The following PKIB variants were observed in gnomAD, a reference collection of about 807,000 sequenced individuals.
PKIB encodes the protein PKI-beta.
In PKIB, 2 loss-of-function variants were observed where a neutral mutation model predicts 4.5. That is an observed-to-expected ratio of 0.44 (90% confidence interval 0.18 to 1.39). PKIB has a LOEUF of 1.39. Among genes scored for constraint, PKIB ranks in the 40% most tolerant of loss-of-function variants. The pLI, the probability that PKIB is intolerant of heterozygous loss-of-function variation, is 0.27. For synonymous variants in PKIB, 38 were observed against 36.0 expected (o/e 1.06, Z -0.20); for missense variants, 94 against 92.6 (o/e 1.02, Z -0.06).
intron 2 of PKIB, among the ~76,000 whole-genome samples, chr6:122,485,006 C>T (rs1775721553): frequency 6.6e-6 from 1 of 152,138 alleles, no homozygotes; most frequent in African/African-American, 2.4e-5. Context: ...GAGCTGTAAT[C>T]AATCTAGTTG....
rs774753477 is a variant in PKIB, at chr6:122,725,221, G to A, written c.*26G>A. On this transcript the variant is annotated 3_prime_UTR_variant, in exon 5 of 5. Transcript: ENST00000368452. Reference sequence around the variant, plus strand: ...AGGCTCATAATCTATCAAGAGTGCTGAATTTCTGCATGTTGAAAGACTTAG... The same window carrying A: ...AGGCTCATAATCTATCAAGAGTGCTAAATTTCTGCATGTTGAAAGACTTAG... 2.0e-5 allele frequency: 31 copies of A among 1,569,088 alleles called. No homozygotes were observed. Among genetic ancestry groups the A allele is most frequent in the Non-Finnish European group, 2.3e-5 (26 of 1,150,004 alleles).
chr6:122,634,532 G>T (rs1417303816), intron 2 of PKIB, among the ~76,000 whole-genome samples: 3 of 151,972 alleles, frequency 2.0e-5, no homozygotes, highest in Non-Finnish European at 4.4e-5. Context: ...CTGAGGGAAG[G>T]CTCCAAAGTT....
intron 2 of PKIB, among the ~76,000 whole-genome samples, chr6:122,524,572 T>C (rs1777042883): frequency 6.6e-6 from 1 of 152,108 alleles, no homozygotes; most frequent in East Asian, 1.9e-4. Flanking sequence ...TCTTTAAATG[T>C]TTTGTAGAAT....
intron 2 of PKIB, among the ~76,000 whole-genome samples, chr6:122,576,708 A>ATATATC (rs1554221339): frequency 7.9e-5 from 9 of 113,968 alleles, no homozygotes; most frequent in African/African-American, 3.1e-4. Flanking sequence ...ATATATATAT[A>ATATATC]TATTTTCTTT....
At chr6:122,486,903 CA>C (rs1453575564) in intron 2 of PKIB, among the ~76,000 whole-genome samples, 1 of 151,960 alleles carries the variant, frequency 6.6e-6, no homozygotes, top group Non-Finnish European at 1.5e-5. Flanking sequence ...CCCAATTCCC[CA>C]AATGTTAACC....
chr6:122,503,358 T>C (rs188955154), intron 2 of PKIB, among the ~76,000 whole-genome samples: 28 of 152,336 alleles, frequency 1.8e-4, no homozygotes, highest in Non-Finnish European at 3.4e-4. Context: ...CTTGTAAATT[T>C]ATCCAAATGC....
chr6:122,692,429 C>T (rs1339948228), intron 3 of PKIB, among the ~76,000 whole-genome samples: 1 of 152,246 alleles, frequency 6.6e-6, no homozygotes, highest in African/African-American at 2.4e-5. Context: ...CCACCTTCCC[C>T]TCCTTTCCAC....
chr6:122,502,498 C>T (rs556115331), intron 2 of PKIB, among the ~76,000 whole-genome samples: 6 of 151,782 alleles, frequency 4.0e-5, no homozygotes, highest in Admixed American at 2.0e-4. Flanking sequence ...GCACAATCTT[C>T]GTTTGGCAGA....
intron 3 of PKIB, among the ~76,000 whole-genome samples, chr6:122,682,155 G>A (rs1190939722): frequency 4.6e-5 from 7 of 150,950 alleles, no homozygotes; most frequent in South Asian, 2.1e-4. Flanking sequence ...TTTTTAGCTC[G>A]AATAGTCTAT....
intron 2 of PKIB, among the ~76,000 whole-genome samples, chr6:122,579,437 A>G (rs1236396696): frequency 2.6e-5 from 4 of 151,944 alleles, no homozygotes; most frequent in Non-Finnish European, 2.9e-5. Context: ...CTTTTACAAT[A>G]CTTTTGTATT....
intron 3 of PKIB, among the ~76,000 whole-genome samples, chr6:122,686,691 C>T (rs1405840591): frequency 6.6e-6 from 1 of 151,796 alleles, no homozygotes; most frequent in African/African-American, 2.4e-5. Context: ...AAGATGGAGT[C>T]CCAGTAGATT....
intron 2 of PKIB, among the ~76,000 whole-genome samples, chr6:122,507,917 T>TA (rs1256894094): frequency 5.3e-5 from 8 of 152,146 alleles, no homozygotes; most frequent in African/African-American, 1.9e-4. Context: ...GGGAGATGTT[T>TA]AAAAAAATTT....
At chr6:122,600,401 A>C (rs1215779613) in intron 3 of PKIB, among the ~76,000 whole-genome samples, 1 of 152,182 alleles carries the variant, frequency 6.6e-6, no homozygotes, top group Non-Finnish European at 1.5e-5. Flanking sequence ...CCATCAATCC[A>C]ATTAAGTTGA....
chr6:122,487,654 G>A (rs1327041605), intron 2 of PKIB, among the ~76,000 whole-genome samples: 3 of 152,166 alleles, frequency 2.0e-5, no homozygotes, highest in Non-Finnish European at 4.4e-5. Flanking sequence ...GGGAAGCTCT[G>A]GATGACCCTT....
At chr6:122,505,593 A>G (rs1463410138) in intron 2 of PKIB, among the ~76,000 whole-genome samples, 1 of 152,200 alleles carries the variant, frequency 6.6e-6, no homozygotes, top group African/African-American at 2.4e-5. Context: ...TTGAAAGTCC[A>G]TTAGTAGTTT....
chr6:122,719,785 TG>T (rs1779659604), intron 4 of PKIB, among the ~76,000 whole-genome samples: 1 of 150,370 alleles, frequency 6.7e-6, no homozygotes, highest in Non-Finnish European at 1.5e-5. Context: ...TGTGAGGTAA[TG>T]GATATGTTAA....
chr6:122,693,770 A>G (rs569273270), intron 3 of PKIB, among the ~76,000 whole-genome samples: 4 of 152,268 alleles, frequency 2.6e-5, no homozygotes, highest in South Asian at 4.1e-4. Context: ...GGGAGATTTT[A>G]GTCTTCTGGG....
At chr6:122,497,358 C>T (rs563579392) in intron 2 of PKIB, among the ~76,000 whole-genome samples, 7 of 152,250 alleles carry the variant, frequency 4.6e-5, no homozygotes, top group African/African-American at 9.6e-5. Context: ...ATGATAGAAT[C>T]AAAACTTCAC....
At chr6:122,641,391 G>A (rs1776114309) in intron 2 of PKIB, among the ~76,000 whole-genome samples, 2 of 151,964 alleles carry the variant, frequency 1.3e-5, no homozygotes. Context: ...TAGAAAAGTT[G>A]GAAGAAAACA....
Sources: gnomAD v4.1 joint callset for allele counts (sites outside exome capture counted in the v4.1 genomes callset) on GRCh38, gnomAD v4.1.1 for gene constraint, MANE v1.5 for transcripts, NCBI Gene and HGNC (gene_info 2026-07-23, HGNC 2026-07-21) for gene names.